The following GRIK4 variants were observed in gnomAD, a reference collection of about 807,000 sequenced individuals.
The protein encoded by GRIK4 is glutamate receptor ionotropic, kainate 4.
A neutral mutation model predicts 104.9 loss-of-function variants in GRIK4; 40 were observed. The ratio of observed to expected loss-of-function variants is 0.38; its 90% CI spans 0.30 to 0.50. The LOEUF (loss-of-function observed/expected upper bound fraction) is 0.50. GRIK4 is among the 20% of genes least tolerant of loss of function. The pLI is 0.93. For missense variants in GRIK4, 1,047 were observed against 1,308.1 expected, an observed-to-expected ratio of 0.80 and a Z score of 3.08; for synonymous variants, 485 against 524.9, an observed-to-expected ratio of 0.92 and a Z score of 1.04.
intron 14 of GRIK4, among the ~76,000 whole-genome samples, chr11:120,950,135 T>C (rs1296428545): frequency 6.6e-6 from 1 of 152,194 alleles, no homozygotes; most frequent in Non-Finnish European, 1.5e-5. Flanking sequence ...AGAGACAGCA[T>C]GGATTTAGCC....
intron 1 of GRIK4, among the ~76,000 whole-genome samples, chr11:120,635,974 A>G (rs993550382): frequency 2.4e-4 from 36 of 152,210 alleles, no homozygotes; most frequent in African/African-American, 7.5e-4. Context: ...CCTGACTTCC[A>G]TAGATAACGT....
chr11:120,721,775 CCTATCT>C (rs2135376799), intron 3 of GRIK4, among the ~76,000 whole-genome samples: 1 of 152,230 alleles, frequency 6.6e-6, no homozygotes, highest in South Asian at 2.1e-4. Context: ...CCCTTGTGTA[CCTATCT>C]CTAGGAACTG....
chr11:120,866,699 G>T (rs1338133949), intron 9 of GRIK4, among the ~76,000 whole-genome samples: 1 of 152,138 alleles, frequency 6.6e-6, no homozygotes, highest in Non-Finnish European at 1.5e-5. Context: ...AACCATGCGA[G>T]GAGCATCCAT....
At chr11:120,649,680 G>A (rs1338907793) in intron 1 of GRIK4, among the ~76,000 whole-genome samples, 1 of 152,154 alleles carries the variant, frequency 6.6e-6, no homozygotes, top group Admixed American at 6.5e-5. Context: ...GTCCTCCTTA[G>A]GGAAGGTTGC....
At chr11:120,722,014 G>A (rs904733461) in intron 3 of GRIK4, among the ~76,000 whole-genome samples, 2 of 152,128 alleles carry the variant, frequency 1.3e-5, no homozygotes, top group East Asian at 1.9e-4. Context: ...GGAATCTTAA[G>A]CTCAGAGAGG....
chr11:120,825,168 C>T (rs1056302963), intron 6 of GRIK4, among the ~76,000 whole-genome samples: 8 of 152,086 alleles, frequency 5.3e-5, no homozygotes, highest in South Asian at 4.2e-4. Flanking sequence ...TTAGGTCATC[C>T]GCCCACCTCA....
intron 13 of GRIK4, among the ~76,000 whole-genome samples, chr11:120,921,392 G>T (rs1482106587): frequency 6.6e-6 from 1 of 152,210 alleles, no homozygotes; most frequent in African/African-American, 2.4e-5. Context: ...ATGTGGAAGA[G>T]AATTAACCAT....
In GRIK4 at chr11:120,638,532, C is replaced by T. The variant is rs188298533; in HGVS notation, c.-158-15153C>T. ...GTCTCGTGTCACCCAGGCTGGAGTG[C>T]AGTGGCATGATCTCGGCTCACTGCA... On this transcript the variant is annotated intron_variant, in intron 1 of 20. Coordinates refer to ENST00000527524, the MANE Select transcript of GRIK4 (RefSeq NM_014619.5). 3.8e-3 allele frequency among the ~76,000 whole-genome samples: 580 copies of T among 151,340 alleles called. 1 individual carries two copies. Among genetic ancestry groups the T allele is most frequent in the Non-Finnish European group, 6.3e-3 (430 of 67,898 alleles).
intron 3 of GRIK4, among the ~76,000 whole-genome samples, chr11:120,731,603 C>T (rs1412487493): frequency 2.0e-5 from 3 of 152,106 alleles, no homozygotes; most frequent in South Asian, 2.1e-4. Flanking sequence ...GAAGTATTCC[C>T]TTTTCCTGTT....
intron 1 of GRIK4, among the ~76,000 whole-genome samples, chr11:120,573,000 T>C (rs1355900624): frequency 1.3e-5 from 2 of 152,206 alleles, no homozygotes; most frequent in Non-Finnish European, 2.9e-5. Flanking sequence ...ATTCATTCAT[T>C]CATTCAGTAG....
chr11:120,820,085 G>A (rs1953071286), intron 6 of GRIK4, among the ~76,000 whole-genome samples, 165 bp downstream of exon 6: 1 of 46,810 alleles, frequency 2.1e-5, no homozygotes, highest in African/African-American at 1.2e-4. Context: ...ATGTGTCCGT[G>A]TGTGTGTGTG....
intron 1 of GRIK4, among the ~76,000 whole-genome samples, chr11:120,523,795 G>A (rs1947824824): frequency 6.6e-6 from 1 of 151,462 alleles, no homozygotes; most frequent in South Asian, 2.1e-4. Context: ...CCAGCTGGGA[G>A]ATGATCAGGG....
chr11:120,616,202 G>A (rs1201778311), intron 1 of GRIK4, among the ~76,000 whole-genome samples: 1 of 152,204 alleles, frequency 6.6e-6, no homozygotes, highest in African/African-American at 2.4e-5. Context: ...ATGGGGAAGA[G>A]GGCTGTGGAC....
chr11:120,534,469 G>A (rs566309473), intron 1 of GRIK4, among the ~76,000 whole-genome samples: 46 of 152,188 alleles, frequency 3.0e-4, no homozygotes, highest in African/African-American at 1.1e-3. Flanking sequence ...AATGTTTAAC[G>A]CGACCAAAGA....
At chr11:120,668,100 T>TA in intron 3 of GRIK4, among the ~76,000 whole-genome samples, 1 of 136,254 alleles carries the variant, frequency 7.3e-6, no homozygotes, top group East Asian at 2.2e-4. Flanking sequence ...GATAGATAGA[T>TA]GGATAGATAG....
At chr11:120,631,517 T>A (rs894493675) in intron 1 of GRIK4, among the ~76,000 whole-genome samples, 2 of 151,694 alleles carry the variant, frequency 1.3e-5, no homozygotes, top group African/African-American at 4.8e-5. Context: ...AAGGAGAGAG[T>A]GACAAGCCTG....
chr11:120,906,491 A>G (rs1942869559), intron 13 of GRIK4, among the ~76,000 whole-genome samples: 1 of 152,256 alleles, frequency 6.6e-6, no homozygotes, highest in African/African-American at 2.4e-5. Context: ...TCGAGCCCAG[A>G]AAGCTTGAGT....
intron 18 of GRIK4, among the ~76,000 whole-genome samples, chr11:120,965,021 T>C (rs1180113382): frequency 1.3e-5 from 2 of 152,200 alleles, no homozygotes; most frequent in Admixed American, 1.3e-4. Context: ...GAAAGAACAT[T>C]ACACAGTTCA....
intron 3 of GRIK4, among the ~76,000 whole-genome samples, chr11:120,716,522 G>A (rs1465204110): frequency 6.6e-6 from 1 of 152,192 alleles, no homozygotes; most frequent in East Asian, 1.9e-4. Context: ...GTGATTAGAG[G>A]TGTGAGCCAC....
Sources: allele counts gnomAD v4.1 joint callset (sites outside exome capture counted in the v4.1 genomes callset), GRCh38; gene constraint gnomAD v4.1.1; transcripts MANE v1.5; gene names NCBI Gene and HGNC (gene_info 2026-07-23, HGNC 2026-07-21).